The following MLF1 variants were observed in gnomAD, a reference collection of about 807,000 sequenced individuals.
The protein encoded by MLF1 is myelodysplasia-myeloid leukemia factor 1.
In MLF1, 37 loss-of-function variants were observed where a neutral mutation model predicts 38.3. The ratio of observed to expected loss-of-function variants is 0.96; its 90% CI spans 0.74 to 1.27. The LOEUF is 1.27. Ranked by LOEUF, MLF1 falls within the 50% of genes most tolerant of loss-of-function variation. The pLI, the probability that MLF1 is intolerant of heterozygous loss-of-function variation, is 0.00. For synonymous variants in MLF1, 95 were observed against 106.5 expected (o/e 0.89, Z 0.66); for missense variants, 331 against 349.2 (o/e 0.95, Z 0.42).
chr3:158,595,417 A>G (rs13318109), intron 3 of MLF1, among the ~76,000 whole-genome samples: 35,101 of 152,076 alleles, frequency 0.23, 5,484 homozygotes, highest in African/African-American at 0.45. Context: ...GCAAGTGCAG[A>G]TACATCTTTT....
chr3:158,598,835 A>G (rs922356784), intron 5 of MLF1, among the ~76,000 whole-genome samples: 9 of 152,054 alleles, frequency 5.9e-5, no homozygotes, highest in Non-Finnish European at 1.0e-4. Flanking sequence ...ATTTTCACGC[A>G]TGTTTTTACA....
At chr3:158,582,708 A>G (rs912630311) in intron 1 of MLF1, 6 of 499,046 alleles carry the variant, frequency 1.2e-5, no homozygotes, top group African/African-American at 4.0e-5. Context: ...TGTTGAGAGG[A>G]AAAAAACCCA....
chr3:158,585,958 T>C lies in MLF1; in HGVS notation c.48-6476T>C, dbSNP rs1717181077. On this transcript the variant is annotated intron_variant, in intron 1 of 7. Transcript: ENST00000466246. ...GGATGGATTGCCTGAGGTCAGGAGT[T>C]CGAGACCAGCCAGGCCAACATAGTA... Among the ~76,000 whole-genome samples, 4 of 152,100 alleles carry C rather than the reference T, an allele frequency of 2.6e-5. No homozygotes were observed. The South Asian group carries it at 8.3e-4, about 32-fold the overall frequency.
At chr3:158,574,098 C>T (rs1715005370) in intron 1 of MLF1, among the ~76,000 whole-genome samples, 1 of 152,010 alleles carries the variant, frequency 6.6e-6, no homozygotes, top group African/African-American at 2.4e-5. Flanking sequence ...TGCACCTAGC[C>T]AATGTTGTTG....
At chr3:158,601,901 C>A (rs1719833406) in intron 6 of MLF1, among the ~76,000 whole-genome samples, 1 of 145,318 alleles carries the variant, frequency 6.9e-6, no homozygotes, top group Non-Finnish European at 1.5e-5. Flanking sequence ...ACTGCAAGCT[C>A]CGCCTCCCAG....
At chr3:158,592,066 C>A (rs1030506574) in intron 1 of MLF1, among the ~76,000 whole-genome samples, 1 of 152,130 alleles carries the variant, frequency 6.6e-6, no homozygotes, top group Non-Finnish European at 1.5e-5. Context: ...GCAACATCAT[C>A]TAACATAAAG....
chr3:158,604,879 G>C (rs1720312830), intron 7 of MLF1, among the ~76,000 whole-genome samples: 1 of 152,056 alleles, frequency 6.6e-6, no homozygotes, highest in African/African-American at 2.4e-5. Flanking sequence ...GGATGGTCTC[G>C]ATCTCTTAAC....
chr3:158,585,037 G>GAAAAAAAAAAAAA (rs59014137), intron 1 of MLF1, among the ~76,000 whole-genome samples: 1 of 88,852 alleles, frequency 1.1e-5, no homozygotes, highest in Non-Finnish European at 2.3e-5. Context: ...GACTCTGTCT[G>GAAAAAAAAAAAAA]AAAAAAAAAA....
intron 1 of MLF1, chr3:158,582,799 G>C: frequency 1.6e-6 from 1 of 634,992 alleles, no homozygotes; most frequent in Non-Finnish European, 2.8e-6. Flanking sequence ...ACAAAAATTT[G>C]GTGAATTTGT....
intron 1 of MLF1, among the ~76,000 whole-genome samples, chr3:158,578,134 CCT>C (rs1715738685): frequency 6.6e-6 from 1 of 151,972 alleles, no homozygotes; most frequent in African/African-American, 2.4e-5. Flanking sequence ...GGTCTATTTT[CCT>C]TATAGACCAG....
intron 1 of MLF1, among the ~76,000 whole-genome samples, chr3:158,586,354 A>G (rs1466298512): frequency 6.6e-6 from 1 of 152,138 alleles, no homozygotes; most frequent in African/African-American, 2.4e-5. Context: ...ACTTCTGTTC[A>G]GCTACACTAG....
chr3:158,589,587 A>C (rs1361468090), intron 1 of MLF1, among the ~76,000 whole-genome samples: 1 of 152,156 alleles, frequency 6.6e-6, no homozygotes, highest in East Asian at 1.9e-4. Context: ...TACAGTTCCT[A>C]CTCTAGAAGA....
chr3:158,599,165 A>G (rs1051468992), intron 5 of MLF1, among the ~76,000 whole-genome samples: 1 of 152,174 alleles, frequency 6.6e-6, no homozygotes, highest in African/African-American at 2.4e-5. Context: ...CTGTCAATAG[A>G]TATGTAGGTG....
intron 7 of MLF1, 56 bp downstream of exon 7, chr3:158,602,995 A>T: frequency 6.7e-7 from 1 of 1,497,626 alleles, no homozygotes; most frequent in African/African-American, 1.4e-5. Flanking sequence ...AAGTAAAGTT[A>T]TGTAATTTAC....
At chr3:158,578,371 G>A (rs1715786643) in intron 1 of MLF1, among the ~76,000 whole-genome samples, 1 of 146,590 alleles carries the variant, frequency 6.8e-6, no homozygotes, top group South Asian at 2.1e-4. Context: ...GTGTAACTTA[G>A]GCAAAATAAG....
At chr3:158,577,437 T>G (rs1004491149) in intron 1 of MLF1, among the ~76,000 whole-genome samples, 3 of 152,192 alleles carry the variant, frequency 2.0e-5, no homozygotes, top group Non-Finnish European at 4.4e-5. Flanking sequence ...TACCTCTCAT[T>G]CTAAACAGTT....
At chr3:158,598,037 T>C (rs1719146334) in intron 4 of MLF1, 43 bp from the exon 5 acceptor site, 1 of 1,599,652 alleles carries the variant, frequency 6.3e-7, no homozygotes. Flanking sequence ...GCAATAATTA[T>C]TTATATTTGA....
intron 5 of MLF1, 52 bp downstream of exon 5, chr3:158,598,260 A>C: frequency 2.5e-6 from 4 of 1,576,220 alleles, no homozygotes; most frequent in Non-Finnish European, 3.4e-6. Context: ...GGGATGATAG[A>C]CTGTCTAGAT....
At chr3:158,573,978 T>C (rs1029244364) in intron 1 of MLF1, among the ~76,000 whole-genome samples, 5 of 152,044 alleles carry the variant, frequency 3.3e-5, no homozygotes, top group African/African-American at 1.2e-4. Flanking sequence ...CTAATTTTTT[T>C]TGTAGAGAGG....
Sources: gnomAD v4.1 joint callset for allele counts (sites outside exome capture counted in the v4.1 genomes callset) on GRCh38, gnomAD v4.1.1 for gene constraint, MANE v1.5 for transcripts, NCBI Gene and HGNC (gene_info 2026-07-23, HGNC 2026-07-21) for gene names.